The following NUP62CL variants were observed in gnomAD, a reference collection of about 807,000 sequenced individuals.
NUP62CL encodes the protein nucleoporin 62 C-terminal like, also known as nucleoporin-62 C-terminal-like protein.
NUP62CL carries 13 observed loss-of-function variants against 15.3 expected under a neutral mutation model. The ratio of observed to expected loss-of-function variants is 0.85; its 90% CI spans 0.55 to 1.35. The LOEUF (loss-of-function observed/expected upper bound fraction) is 1.35. NUP62CL is among the 40% of genes most tolerant of loss of function. The pLI, the probability that NUP62CL is intolerant of heterozygous loss-of-function variation, is 0.00. For missense variants in NUP62CL, 123 were observed against 130.6 expected, an observed-to-expected ratio of 0.94 and a Z score of 0.28; for synonymous variants, 54 against 49.2, an observed-to-expected ratio of 1.10 and a Z score of -0.41.
At chrX:107,142,612 G>T (rs1481127286) in intron 8 of NUP62CL, among the ~76,000 whole-genome samples, 2 of 111,931 alleles carry the variant, frequency 1.8e-5, no homozygotes, top group Non-Finnish European at 3.8e-5. Flanking sequence ...CTTTATTGGG[G>T]TGTTGGATAA....
At chrX:107,181,878 C>T (rs1283376502) in intron 2 of NUP62CL, among the ~76,000 whole-genome samples, 1 of 111,865 alleles carries the variant, frequency 8.9e-6, no homozygotes, top group Non-Finnish European at 1.9e-5. Context: ...TTAATTAGAC[C>T]TTTCTCCATT....
chrX:107,125,914 A>G (rs142487322), intron 8 of NUP62CL, among the ~76,000 whole-genome samples: 4,300 of 111,815 alleles, frequency 0.038, 222 homozygotes, highest in African/African-American at 0.13. Flanking sequence ...AATTCCCAGG[A>G]CTATTTCTGT....
intron 1 of NUP62CL, among the ~76,000 whole-genome samples, chrX:107,205,654 T>G (rs1927658894): frequency 9.0e-6 from 1 of 111,501 alleles, no homozygotes; most frequent in Non-Finnish European, 1.9e-5. Flanking sequence ...TCATGGCTAA[T>G]CAGTCCTGAA....
chrX:107,198,616 C>A (rs754928808), intron 1 of NUP62CL, among the ~76,000 whole-genome samples: 34 of 110,861 alleles, frequency 3.1e-4, no homozygotes, highest in African/African-American at 1.1e-3. Flanking sequence ...TAACACTCAC[C>A]GCGGAGGTTC....
At chrX:107,155,905 G>A (rs371084355) in intron 4 of NUP62CL, among the ~76,000 whole-genome samples, 2 of 112,108 alleles carry the variant, frequency 1.8e-5, no homozygotes. Context: ...GACAGTGGGC[G>A]CAGGCCAGTG....
chrX:107,152,075 T>TATA (rs1240423833), intron 7 of NUP62CL, among the ~76,000 whole-genome samples: 9 of 54,442 alleles, frequency 1.7e-4, no homozygotes, highest in South Asian at 9.5e-4. Context: ...TATATATATA[T>TATA]TCAGATATAT....
In NUP62CL at chrX:107,123,957, A is replaced by C. The variant is rs1925325753; in HGVS notation, c.*418T>G. The C allele has an allele frequency of 1.2e-5, 2 of 170,198 alleles. No individual in the cohort carries two copies. Among genetic ancestry groups the C allele is most frequent in the South Asian group, 2.4e-4 (2 of 8,481 alleles). The allele number at this position is 170,198 out of a possible 1,213,427, so 14.0% of individuals were successfully genotyped here. A position where few individuals can be genotyped will look rare whatever the true frequency, so the allele number is the denominator to read the frequency against. On this transcript the variant is annotated 3_prime_UTR_variant, in exon 9 of 9. Coordinates refer to ENST00000372466, the MANE Select transcript of NUP62CL (RefSeq NM_017681.3). ...ACCCTATGATTCAACTGGAGTGAGAAGGATGATGTGTACTGATGCCAGGGA... is the reference window on the plus strand; with the variant it reads ...ACCCTATGATTCAACTGGAGTGAGACGGATGATGTGTACTGATGCCAGGGA...
At chrX:107,141,613 A>G (rs1177938015) in intron 8 of NUP62CL, among the ~76,000 whole-genome samples, 3 of 111,999 alleles carry the variant, frequency 2.7e-5, no homozygotes, top group Non-Finnish European at 5.6e-5. Flanking sequence ...GAAAAAGAGG[A>G]AGTAAATGAA....
intron 1 of NUP62CL, among the ~76,000 whole-genome samples, chrX:107,205,915 G>C (rs1251548893): frequency 9.0e-6 from 1 of 110,719 alleles, no homozygotes; most frequent in Non-Finnish European, 1.9e-5. Flanking sequence ...CACAGGAACC[G>C]GGTGGCAGTT....
intron 3 of NUP62CL, among the ~76,000 whole-genome samples, chrX:107,170,905 A>G (rs1926636982): frequency 8.9e-6 from 1 of 112,361 alleles, no homozygotes; most frequent in African/African-American, 3.2e-5. Context: ...ATCCTACAAT[A>G]TCTGTGTAGT....
chrX:107,137,452 C>T (rs1925667534), intron 8 of NUP62CL, among the ~76,000 whole-genome samples: 1 of 111,470 alleles, frequency 9.0e-6, no homozygotes, highest in Non-Finnish European at 1.9e-5. Flanking sequence ...AAATAATACT[C>T]TATTTGCAGA....
At chrX:107,132,061 C>T (rs1260775753) in intron 8 of NUP62CL, 2 of 1,098,701 alleles carry the variant, frequency 1.8e-6, no homozygotes, top group East Asian at 6.0e-5. Flanking sequence ...TTGTAGCTTT[C>T]TACATGAAAA....
At chrX:107,199,524 A>C (rs901264010) in intron 1 of NUP62CL, among the ~76,000 whole-genome samples, 4 of 112,235 alleles carry the variant, frequency 3.6e-5, no homozygotes, top group African/African-American at 1.3e-4. Context: ...ACCAGCACAG[A>C]AGCTTAGCCA....
chrX:107,181,645 C>G (rs912197915), intron 2 of NUP62CL, among the ~76,000 whole-genome samples: 1 of 110,851 alleles, frequency 9.0e-6, no homozygotes, highest in Non-Finnish European at 1.9e-5. Context: ...TTCCTTCCCC[C>G]AAAGATTCCC....
intron 2 of NUP62CL, among the ~76,000 whole-genome samples, chrX:107,189,866 GAAA>G (rs1379118603): frequency 4.9e-3 from 258 of 52,889 alleles, no homozygotes; most frequent in Middle Eastern, 9.2e-3. Context: ...AGGAAGGAAG[GAAA>G]AAGAAAGAAA....
At chrX:107,199,108 C>G (rs976017308) in intron 1 of NUP62CL, among the ~76,000 whole-genome samples, 2 of 111,372 alleles carry the variant, frequency 1.8e-5, no homozygotes, top group Non-Finnish European at 3.8e-5. Context: ...AAGTTCTAGA[C>G]TCTCTTATGT....
intron 3 of NUP62CL, 97 bp downstream of exon 3, chrX:107,174,992 A>T (rs1926750114): frequency 1.5e-6 from 1 of 660,148 alleles, no homozygotes. Context: ...AAGAATAATG[A>T]TAATTTCTGA....
At chrX:107,169,819 T>TAAA (rs201672205) in intron 3 of NUP62CL, among the ~76,000 whole-genome samples, 1 of 108,597 alleles carries the variant, frequency 9.2e-6, no homozygotes, top group Non-Finnish European at 1.9e-5. Flanking sequence ...ATTTTTTTTT[T>TAAA]AAAAAAATGA....
chrX:107,153,899 GGAGATC>G (rs1425761963), intron 5 of NUP62CL, among the ~76,000 whole-genome samples, 191 bp downstream of exon 5: 2 of 111,423 alleles, frequency 1.8e-5, no homozygotes, highest in Admixed American at 9.5e-5. Flanking sequence ...CTTGAGCCAG[GGAGATC>G]GAGGCTGCAG....
Sources: gnomAD v4.1 joint callset for allele counts (sites outside exome capture counted in the v4.1 genomes callset) on GRCh38, gnomAD v4.1.1 for gene constraint, MANE v1.5 for transcripts, NCBI Gene and HGNC (gene_info 2026-07-23, HGNC 2026-07-21) for gene names.